The following ZMYM2 variants were observed in gnomAD, a reference collection of about 807,000 sequenced individuals.
ZMYM2 encodes the protein zinc finger MYM-type containing 2.
ZMYM2 carries 56 observed loss-of-function variants against 162.8 expected under a neutral mutation model. That is an observed-to-expected ratio of 0.34 (90% CI 0.28 to 0.43). The LOEUF (loss-of-function observed/expected upper bound fraction) is 0.43. Ranked by LOEUF, ZMYM2 falls within the 20% of genes least tolerant of loss-of-function variation. ZMYM2 has a pLI of 1.00. For synonymous variants in ZMYM2, 510 were observed against 541.6 expected, an observed-to-expected ratio of 0.94 and a Z score of 0.81; for missense variants, 1,275 against 1,621.8, an observed-to-expected ratio of 0.79 and a Z score of 3.67.
At chr13:19,917,935 T>TACA in the ZMYM2 span, among the ~76,000 whole-genome samples, 10 of 152,158 alleles carry the variant, frequency 6.6e-5, no homozygotes, top group South Asian at 2.1e-3. Flanking sequence ...GGCTTGCCTG[T>TACA]AGTCCCAGCT....
chr13:20,006,139 A>G (rs1038369404), intron 5 of ZMYM2, among the ~76,000 whole-genome samples: 1 of 151,894 alleles, frequency 6.6e-6, no homozygotes, highest in African/African-American at 2.4e-5. Flanking sequence ...AGGCTGAGGT[A>G]GGAGGATTGC....
chr13:19,884,875 C>T, the ZMYM2 span, among the ~76,000 whole-genome samples: 1 of 152,064 alleles, frequency 6.6e-6, no homozygotes, highest in Non-Finnish European at 1.5e-5. Context: ...TGCGGGTGGC[C>T]GGCTTTTATT....
At chr13:19,968,858 G>A (rs1373487233) in intron 2 of ZMYM2, among the ~76,000 whole-genome samples, 14 of 152,200 alleles carry the variant, frequency 9.2e-5, no homozygotes, top group Non-Finnish European at 1.5e-5. Flanking sequence ...AGTGTGTTAT[G>A]TGTGTTTTTC....
chr13:20,004,956 T>A (rs915628274), intron 4 of ZMYM2, 118 bp from the exon 5 acceptor site: 20 of 722,420 alleles, frequency 2.8e-5, no homozygotes, highest in Non-Finnish European at 4.3e-5. Context: ...ATTTATTAGA[T>A]CCAAGAATGA....
At chr13:20,045,387 ATTACT>A (rs1268256033) in intron 12 of ZMYM2, among the ~76,000 whole-genome samples, 2 of 152,214 alleles carry the variant, frequency 1.3e-5, no homozygotes, top group East Asian at 3.8e-4. Flanking sequence ...AAGTTACTTC[ATTACT>A]TTACTGTTGC....
At chr13:19,907,330 G>T in the ZMYM2 span, among the ~76,000 whole-genome samples, 1 of 152,130 alleles carries the variant, frequency 6.6e-6, no homozygotes, top group Non-Finnish European at 1.5e-5. Flanking sequence ...TGTATGAGAT[G>T]ATATGGCAGT....
intron 12 of ZMYM2, among the ~76,000 whole-genome samples, chr13:20,046,627 A>ATG (rs1341988981): frequency 2.0e-4 from 29 of 143,030 alleles, no homozygotes; most frequent in African/African-American, 7.7e-4. Context: ...GTGTATATAT[A>ATG]TGTGTATATA....
chr13:19,921,468 T>C, the ZMYM2 span, among the ~76,000 whole-genome samples: 1 of 152,156 alleles, frequency 6.6e-6, no homozygotes, highest in Non-Finnish European at 1.5e-5. Context: ...TGTTTTGCTT[T>C]GCTTTTTCAT....
chr13:19,889,269 T>C, the ZMYM2 span, among the ~76,000 whole-genome samples: 1 of 152,128 alleles, frequency 6.6e-6, no homozygotes, highest in South Asian at 2.1e-4. Flanking sequence ...AAATTGGCCA[T>C]CTGAGTGTCC....
the ZMYM2 span, among the ~76,000 whole-genome samples, chr13:19,951,744 G>A: frequency 6.6e-6 from 1 of 151,888 alleles, no homozygotes; most frequent in Admixed American, 6.6e-5. Flanking sequence ...TACACATGCT[G>A]TTAATGATGT....
chr13:20,046,751 T>C (rs1014166210), intron 12 of ZMYM2, among the ~76,000 whole-genome samples: 1 of 151,530 alleles, frequency 6.6e-6, no homozygotes, highest in Non-Finnish European at 1.5e-5. Context: ...TCCCTTTTTT[T>C]GGGAAGCAAA....
chr13:20,031,189 T>A (rs1953096606), intron 9 of ZMYM2, 130 bp from the exon 10 acceptor site: 2 of 571,898 alleles, frequency 3.5e-6, no homozygotes, highest in Non-Finnish European at 5.8e-6. Flanking sequence ...TGGAAATGAG[T>A]TTTATGTGCT....
intron 2 of ZMYM2, among the ~76,000 whole-genome samples, chr13:19,960,487 AAC>A (rs1337318014): frequency 5.3e-5 from 8 of 152,316 alleles, no homozygotes; most frequent in African/African-American, 1.7e-4. Context: ...GTCTGCTGGA[AAC>A]ACATATTTTG....
At chr13:19,892,263 T>A in the ZMYM2 span, among the ~76,000 whole-genome samples, 4 of 151,322 alleles carry the variant, frequency 2.6e-5, no homozygotes, top group Non-Finnish European at 4.4e-5. Flanking sequence ...ATTTATTTAT[T>A]TTTATTTATT....
At chr13:20,068,670 T>C (rs1237885596) in intron 21 of ZMYM2, among the ~76,000 whole-genome samples, 1 of 152,168 alleles carries the variant, frequency 6.6e-6, no homozygotes, top group African/African-American at 2.4e-5. Flanking sequence ...GCATTTATAC[T>C]GTACCAGGTG....
At chr13:19,878,517 C>CCCCCTTTTTTTTT in the ZMYM2 span, among the ~76,000 whole-genome samples, 1 of 99,028 alleles carries the variant, frequency 1.0e-5, no homozygotes, top group Non-Finnish European at 2.1e-5. Context: ...TTCCTTTGCC[C>CCCCCTTTTTTTTT]TTTTTTTTTT....
At chr13:20,025,379 A>C (rs955410599) in intron 7 of ZMYM2, 2 of 185,536 alleles carry the variant, frequency 1.1e-5, no homozygotes, top group Non-Finnish European at 2.3e-5. Flanking sequence ...CTTGAAGGCT[A>C]GCCTTTCGTT....
chr13:19,991,628 T>TTC (rs1949633992), intron 2 of ZMYM2, among the ~76,000 whole-genome samples: 1 of 149,438 alleles, frequency 6.7e-6, no homozygotes, highest in African/African-American at 2.5e-5. Context: ...CTTTTTCTTT[T>TTC]TTTTTTTTTT....
the ZMYM2 span, among the ~76,000 whole-genome samples, chr13:19,917,759 A>G: frequency 6.6e-6 from 1 of 152,160 alleles, no homozygotes. Context: ...TCATGAATAT[A>G]GTATGAAAAA....
Sources: allele counts gnomAD v4.1 joint callset (sites outside exome capture counted in the v4.1 genomes callset), GRCh38; gene constraint gnomAD v4.1.1; transcripts MANE v1.5; gene names NCBI Gene and HGNC (gene_info 2026-07-23, HGNC 2026-07-21).